PACRG: variants seen among roughly 807,000 people sequenced by gnomAD.
PACRG encodes parkin coregulated, also known as parkin coregulated gene protein.
PACRG carries 29 observed loss-of-function variants against 29.7 expected under a neutral mutation model. That is an observed-to-expected ratio of 0.98 (90% confidence interval 0.73 to 1.33). The LOEUF (loss-of-function observed/expected upper bound fraction) is 1.33. Ranked by LOEUF, PACRG falls within the 40% of genes most tolerant of loss-of-function variation. PACRG has a pLI of 0.00. For missense variants in PACRG, 279 were observed against 316.2 expected (o/e 0.88, Z 0.89); for synonymous variants, 116 against 118.7 (o/e 0.98, Z 0.15).
In PACRG at chr6:163,017,114, G is replaced by A. The variant is rs79768389; in HGVS notation, c.292-45036G>A. On this transcript the variant is annotated intron_variant, in intron 2 of 4. Coordinates refer to ENST00000366888, the MANE Select transcript of PACRG (RefSeq NM_001080379.2). The stretch of plus-strand genomic sequence containing the variant: ...AGTTAACTTTTCCTTAGATAGACTC[G>A]GTCAAGTCCATCACTTGAATAAACT... 4.1e-3 allele frequency among the ~76,000 whole-genome samples: 619 copies of A among 152,024 alleles called. 1 individual carries two copies. The highest frequency in any genetic ancestry group is 0.027 in the Middle Eastern group (8 of 292).
At chr6:163,203,232 G>T (rs1780777928) in intron 4 of PACRG, among the ~76,000 whole-genome samples, 1 of 152,094 alleles carries the variant, frequency 6.6e-6, no homozygotes, top group African/African-American at 2.4e-5. Flanking sequence ...GGCCAACGTG[G>T]TGAAACCCCA....
intron 4 of PACRG, among the ~76,000 whole-genome samples, chr6:163,246,336 C>T (rs921558728): frequency 6.6e-6 from 1 of 152,146 alleles, no homozygotes; most frequent in African/African-American, 2.4e-5. Flanking sequence ...CCAGCTCCTT[C>T]TTCTGCCTGG....
intron 4 of PACRG, among the ~76,000 whole-genome samples, chr6:163,261,386 A>G (rs1441601407): frequency 6.6e-6 from 1 of 151,956 alleles, no homozygotes; most frequent in Non-Finnish European, 1.5e-5. Flanking sequence ...TGCATTAGGT[A>G]TTTATCCTAA....
chr6:163,234,540 T>C (rs9356102), intron 4 of PACRG, among the ~76,000 whole-genome samples: 1 of 152,146 alleles, frequency 6.6e-6, no homozygotes, highest in Non-Finnish European at 1.5e-5. Context: ...GATAAACCTC[T>C]TTTCCTTAAA....
Position 163,172,052 on chromosome 6 carries a change from A to G in PACRG, c.613+82644A>G, listed in dbSNP as rs142590567. Among the ~76,000 whole-genome samples the G allele has an allele frequency of 9.5e-3, 1,451 of 152,350 alleles. 20 individuals carry two copies. Among genetic ancestry groups the G allele is most frequent in the African/African-American group, 0.033 (1,387 of 41,574 alleles). ...GGGGTCTGGCCCCGTAAGTGTGCAA[A>G]TTACAGAACAGGCTTCCAAACATAG... is the stretch of plus-strand genomic sequence containing the variant. On this transcript the variant is annotated intron_variant, in intron 4 of 4. Coordinates refer to ENST00000366888, the MANE Select transcript of PACRG (RefSeq NM_001080379.2).
At chr6:162,847,774 C>A (rs1790526941) in intron 2 of PACRG, among the ~76,000 whole-genome samples, 1 of 151,964 alleles carries the variant, frequency 6.6e-6, no homozygotes, top group East Asian at 1.9e-4. Context: ...ATAACCTGAA[C>A]AAGGAGCTAC....
intron 4 of PACRG, among the ~76,000 whole-genome samples, chr6:163,215,971 C>T (rs1463162933): frequency 3.3e-5 from 5 of 152,194 alleles, no homozygotes. Flanking sequence ...GTAAAGTGCA[C>T]TGAAGGTCAG....
chr6:163,076,596 G>A (rs1257050787), intron 3 of PACRG, among the ~76,000 whole-genome samples: 1 of 152,220 alleles, frequency 6.6e-6, no homozygotes, highest in Non-Finnish European at 1.5e-5. Flanking sequence ...CTATCTGGCT[G>A]AAAATTTTGT....
intron 3 of PACRG, among the ~76,000 whole-genome samples, chr6:163,086,248 T>A (rs1813545395): frequency 6.6e-6 from 1 of 152,228 alleles, no homozygotes; most frequent in Admixed American, 6.5e-5. Context: ...TTAGATCAGA[T>A]AAGACCAGAT....
intron 1 of PACRG, among the ~76,000 whole-genome samples, chr6:162,800,039 CT>C (rs1265757266): frequency 2.0e-5 from 3 of 152,180 alleles, no homozygotes; most frequent in Non-Finnish European, 4.4e-5. Context: ...ATTAGCTAAG[CT>C]GTCTCAGTCA....
At chr6:162,892,438 G>A (rs1447260061) in intron 2 of PACRG, among the ~76,000 whole-genome samples, 1 of 152,148 alleles carries the variant, frequency 6.6e-6, no homozygotes, top group Non-Finnish European at 1.5e-5. Context: ...AGAATGAAGG[G>A]GCAAGGAATC....
At chr6:163,180,327 A>T (rs1478941001) in intron 4 of PACRG, among the ~76,000 whole-genome samples, 1 of 152,226 alleles carries the variant, frequency 6.6e-6, no homozygotes, top group Admixed American at 6.5e-5. Context: ...GTTCGTTAAA[A>T]TATCACGAAG....
intron 4 of PACRG, among the ~76,000 whole-genome samples, chr6:163,134,993 T>G (rs1816871229): frequency 6.6e-6 from 1 of 152,218 alleles, no homozygotes; most frequent in Non-Finnish European, 1.5e-5. Flanking sequence ...CCTGAAATCA[T>G]TCTTTATCAT....
Position 163,191,189 on chromosome 6 carries a change from A to G in PACRG, c.613+101781A>G, listed in dbSNP as rs943565303. Among the ~76,000 whole-genome samples the G allele has an allele frequency of 4.6e-5, 7 of 152,342 alleles. No individual in the cohort carries two copies. The South Asian group carries it at 1.4e-3, about 32-fold the overall frequency. On this transcript the variant is annotated intron_variant, in intron 4 of 4. Coordinates refer to ENST00000366888, the MANE Select transcript of PACRG (RefSeq NM_001080379.2). ...AAGCCATTCCACTTAAATGGACACTAGACCTCAAAATTGCAAACAATAAAT... is the reference window on the plus strand; with the variant it reads ...AAGCCATTCCACTTAAATGGACACTGGACCTCAAAATTGCAAACAATAAAT...
intron 4 of PACRG, among the ~76,000 whole-genome samples, chr6:163,268,155 C>A (rs1783600703): frequency 6.6e-6 from 1 of 152,104 alleles, no homozygotes; most frequent in African/African-American, 2.4e-5. Context: ...AATCCCAGCA[C>A]TCTGGGAGGC....
intron 4 of PACRG, among the ~76,000 whole-genome samples, chr6:163,095,095 G>T (rs1814450906): frequency 6.6e-6 from 1 of 152,126 alleles, no homozygotes. Flanking sequence ...GACAGCAGAT[G>T]GTCCTGGGAA....
intron 2 of PACRG, among the ~76,000 whole-genome samples, chr6:162,950,340 AC>A: frequency 6.6e-6 from 1 of 152,180 alleles, no homozygotes; most frequent in South Asian, 2.1e-4. Flanking sequence ...TACTAAAAAT[AC>A]AAAAAAGAAA....
intron 4 of PACRG, among the ~76,000 whole-genome samples, chr6:163,302,248 G>GT (rs200519195): frequency 0.046 from 4,778 of 104,224 alleles, 111 homozygotes; most frequent in Non-Finnish European, 0.06. Context: ...TTTTTTGTTT[G>GT]TTTTTTTTTG....
Position 163,251,159 on chromosome 6 carries a change from T to C in PACRG, c.614-63668T>C, listed in dbSNP as rs945766460. Among the ~76,000 whole-genome samples, 6 of 152,042 alleles carry C rather than the reference T, an allele frequency of 3.9e-5. No individual in the cohort carries two copies. The South Asian group carries it at 1.2e-3, about 32-fold the overall frequency. ...AAGAGAATACATGTTGGGTGCAGTG[T>C]ATACTGCTCGGGTGATGTGTGCATC... On this transcript the variant is annotated intron_variant, in intron 4 of 4. Coordinates refer to ENST00000366888, the MANE Select transcript of PACRG (RefSeq NM_001080379.2).
Sources: allele counts gnomAD v4.1 joint callset (sites outside exome capture counted in the v4.1 genomes callset), GRCh38; gene constraint gnomAD v4.1.1; transcripts MANE v1.5; gene names NCBI Gene and HGNC (gene_info 2026-07-23, HGNC 2026-07-21).